The following TP53I13 variants were observed in gnomAD, a reference collection of about 807,000 sequenced individuals.
TP53I13 encodes the protein tumor protein p53-inducible protein 13.
TP53I13 carries 27 observed loss-of-function variants against 39.1 expected under a neutral mutation model. The observed-to-expected ratio is 0.69, with a 90% CI of 0.51 to 0.95. The LOEUF is 0.95. TP53I13 is among the 40% of genes least tolerant of loss of function. TP53I13 has a pLI of 0.00. For synonymous variants in TP53I13, 230 were observed against 224.6 expected (o/e 1.02, Z -0.22); for missense variants, 544 against 520.4 (o/e 1.05, Z -0.44).
chr17:29,576,398 A>G (rs746865641), downstream of TP53I13: 4 of 1,613,284 alleles, frequency 2.5e-6, no homozygotes, highest in South Asian at 4.4e-5. Flanking sequence ...AGGTGTGGGC[A>G]CCGGCCCTGG....
At chr17:29,575,649 T>A, downstream of TP53I13, 1 of 1,612,280 alleles carries the variant, frequency 6.2e-7, no homozygotes, top group Non-Finnish European at 8.5e-7. This position sits in a 1 kb window ranked among gnomAD's most constrained non-coding sequence, Gnocchi z 5.5. Context: ...GGGTCCCCAC[T>A]TTGCGTGTTC....
Position 29,573,031 on chromosome 17 carries a change from G to T in TP53I13, c.*107G>T. ...GGCGCTCCCTGGTGGCGATGGCGCG[G>T]CACTGGCCGAGCACTGCGGGGGCTT... On this transcript the variant is annotated 3_prime_UTR_variant, in exon 7 of 7. Coordinates refer to ENST00000301057, the MANE Select transcript of TP53I13 (RefSeq NM_138349.4). 1.1e-6 allele frequency: 1 copy of T among 933,258 alleles called. No individual in the cohort carries two copies. The highest frequency in any genetic ancestry group is 1.5e-6 in the Non-Finnish European group (1 of 688,966). 57.8% of individuals were successfully genotyped at this position (933,258 alleles called of 1,614,324 possible).
chr17:29,578,272 G>A, the TP53I13 span: 5 of 1,592,302 alleles, frequency 3.1e-6, no homozygotes, highest in African/African-American at 2.7e-5. Context: ...GGTCCTCCAC[G>A]CCAGACACTC....
chr17:29,574,602 G>C (rs1233996971), downstream of TP53I13: 1 of 1,025,488 alleles, frequency 9.8e-7, no homozygotes, highest in Non-Finnish European at 1.5e-6. Context: ...AAGGGCACTT[G>C]TGCCAGTGGC....
chr17:29,578,875 G>A, the TP53I13 span: 7 of 1,562,982 alleles, frequency 4.5e-6, no homozygotes, highest in East Asian at 1.3e-4. Context: ...AGGGATCCCG[G>A]GGAGATGGCA....
rs1357391528 is a variant in TP53I13, at chr17:29,572,179, C to T, written c.551C>T (p.Pro184Leu). ...GCCTTTGCTCTGCGGAGCTGGCGGC[C>T]CCCTGGCACAGAGGTGACATCTCAA... ...ALAFALRSWR[P>L]PGTEVTSQGP... The change falls in exon 6 of 7, where the codon CCC becomes CTC. Residue 184 changes from proline to leucine, a missense_variant. Coordinates refer to ENST00000301057, the MANE Select transcript of TP53I13 (RefSeq NM_138349.4). 6.2e-7 allele frequency: 1 copy of T among 1,608,440 alleles called. No homozygotes were observed. Among genetic ancestry groups the T allele is most frequent in the Non-Finnish European group, 8.5e-7 (1 of 1,177,144 alleles).
chr17:29,575,590 G>T, downstream of TP53I13: 7 of 1,592,670 alleles, frequency 4.4e-6, no homozygotes, highest in Non-Finnish European at 6.0e-6. The surrounding 1 kb of genome is among the most constrained non-coding windows in gnomAD (Gnocchi z 5.5). Flanking sequence ...CCCCGCCTCG[G>T]CATGTGAGCA....
chr17:29,574,819 C>A, downstream of TP53I13: 1 of 1,610,874 alleles, frequency 6.2e-7, no homozygotes, highest in Non-Finnish European at 8.5e-7. Context: ...GGGCGCCGGG[C>A]TCTGGGGGCA....
rs776153859 is a variant in TP53I13, at chr17:29,572,002, C to T, written c.458C>T (p.Ala153Val). Residue 153 changes from alanine (A) to valine (V), a missense_variant, in exon 5 of 7, where the codon GCT becomes GTT. Transcript: ENST00000301057. ...TACTGTGAAAGCCTTTCAGGGCCTG[C>T]TCCCTCCGAGCCAACTCCCGGTAGA... ...WIYCESLSGP[A>V]PSEPTPGRGR... 1.9e-6 allele frequency: 3 copies of T among 1,613,068 alleles called. No homozygotes were observed. Among genetic ancestry groups the T allele is most frequent in the Admixed American group, 1.7e-5 (1 of 60,010 alleles).
downstream of TP53I13, chr17:29,576,993 TTGTC>T: frequency 6.2e-7 from 1 of 1,603,524 alleles, no homozygotes; most frequent in Non-Finnish European, 8.5e-7. Flanking sequence ...CAGCTCGAGG[TTGTC>T]TGAGGACACA....
the TP53I13 span, chr17:29,578,618 G>A: frequency 9.7e-7 from 1 of 1,032,888 alleles, no homozygotes. Flanking sequence ...GAGGGGACAG[G>A]TCAAAGACTT....
chr17:29,569,279 C>T (rs777893899), intron 2 of TP53I13, 39 bp from the exon 3 acceptor site: 2 of 1,608,186 alleles, frequency 1.2e-6, no homozygotes, highest in Non-Finnish European at 1.7e-6. Context: ...ACACGGAGTC[C>T]CCCAACTGCC....
the TP53I13 span, chr17:29,581,673 C>T: frequency 3.0e-5 from 36 of 1,210,170 alleles, no homozygotes; most frequent in East Asian, 1.4e-4. The surrounding 1 kb of genome is among the most constrained non-coding windows in gnomAD (Gnocchi z 4.8). Context: ...CTGCCGGGTG[C>T]GTCCAGGTCC....
At chr17:29,577,347 T>C, downstream of TP53I13, 10 of 920,106 alleles carry the variant, frequency 1.1e-5, no homozygotes, top group South Asian at 1.5e-4. Flanking sequence ...CCATTTAATT[T>C]AACCCCAGCT....
Position 29,572,055 on chromosome 17 carries a change from C to CA in TP53I13, c.512dup (p.Ala172GlyfsTer29), listed in dbSNP as rs1261706802. ...GAGGCTGTGCCGAAGAGGGTGTGTG[C>CA]AGGTGAGAGACGCTGGGCCCAGGCT... On this transcript the variant is annotated frameshift_variant and splice_region_variant, in exon 5 of 7. Transcript: ENST00000301057. LOFTEE classifies it high-confidence loss of function. 6.2e-7 allele frequency: 1 copy of CA among 1,613,040 alleles called. No homozygotes were observed. Among genetic ancestry groups the CA allele is most frequent in the Non-Finnish European group, 8.5e-7 (1 of 1,179,998 alleles).
rs756392506 is a variant in TP53I13, at chr17:29,572,430, G to C, written c.802G>C (p.Glu268Gln). The change falls in exon 6 of 7, where the codon GAG (glutamate) becomes CAG (glutamine). Residue 268 changes from glutamate to glutamine, a missense_variant. Coordinates refer to ENST00000301057, the MANE Select transcript of TP53I13 (RefSeq NM_138349.4). The part of the protein sequence containing the change: ...APGGNASSRT[E>Q]AQVPNGQGSP... The stretch of plus-strand genomic sequence containing the variant: ...TGGAGGCAATGCCAGCTCCAGGACA[G>C]AGGCTCAGGTGCCCAACGGGCAAGG... 2 of 1,582,828 alleles carry C rather than the reference G, an allele frequency of 1.3e-6. No individual in the cohort carries two copies. Among genetic ancestry groups the C allele is most frequent in the East Asian group, 2.3e-5 (1 of 44,384 alleles).
the TP53I13 span, chr17:29,581,502 C>A: frequency 2.4e-6 from 2 of 826,386 alleles, no homozygotes; most frequent in Non-Finnish European, 2.1e-6. This position sits in a 1 kb window ranked among gnomAD's most constrained non-coding sequence, Gnocchi z 4.8. Flanking sequence ...GTGGGGAGGG[C>A]AGGCCACCCC....
intron 3 of TP53I13, 96 bp downstream of exon 3, chr17:29,569,455 T>C: frequency 8.3e-7 from 1 of 1,204,606 alleles, no homozygotes. Flanking sequence ...TCGGCCCCAT[T>C]CCTTACCACT....
the TP53I13 span, chr17:29,581,892 A>ACAGCACCCATCAG: frequency 8.4e-7 from 1 of 1,191,618 alleles, no homozygotes; most frequent in Non-Finnish European, 1.2e-6. The surrounding 1 kb of genome is among the most constrained non-coding windows in gnomAD (Gnocchi z 4.8). Flanking sequence ...CCACACCCCC[A>ACAGCACCCATCAG]CCCACCCACA....
Sources: allele counts gnomAD v4.1 joint callset, GRCh38; gene constraint gnomAD v4.1.1; non-coding constraint Gnocchi (gnomAD v3.1); transcripts MANE v1.5; gene names NCBI Gene and HGNC (gene_info 2026-07-23, HGNC 2026-07-21).